Variants in DSCAM observed in about 807,000 individuals in gnomAD.
DSCAM encodes DS cell adhesion molecule.
Under a neutral mutation model 217.7 loss-of-function variants are expected in DSCAM, and 47 were observed. The ratio of observed to expected loss-of-function variants is 0.22; its 90% CI spans 0.17 to 0.28. DSCAM has a LOEUF of 0.28. Among genes scored for constraint, DSCAM ranks in the 10% least tolerant of loss-of-function variants. DSCAM has a pLI of 1.00. For synonymous variants in DSCAM, 1,056 were observed against 1,015.3 expected, an observed-to-expected ratio of 1.04 and a Z score of -0.76; for missense variants, 2,080 against 2,618.3, an observed-to-expected ratio of 0.79 and a Z score of 4.49.
chr21:40,550,797 A>G (rs2076623873), intron 3 of DSCAM, among the ~76,000 whole-genome samples: 1 of 152,216 alleles, frequency 6.6e-6, no homozygotes, highest in African/African-American at 2.4e-5. Flanking sequence ...CATGGTTGGG[A>G]TAACATTTAT....
chr21:40,680,560 GC>G (rs59291497), intron 3 of DSCAM, among the ~76,000 whole-genome samples: 69,603 of 151,528 alleles, frequency 0.46, 16,261 homozygotes, highest in African/African-American at 0.52. Context: ...GTGTATTTTT[GC>G]TTATTTACTG....
At chr21:40,363,355 C>A (rs1362706350) in intron 4 of DSCAM, among the ~76,000 whole-genome samples, 1 of 148,418 alleles carries the variant, frequency 6.7e-6, no homozygotes, top group Non-Finnish European at 1.5e-5. Flanking sequence ...TGAGTTCAAG[C>A]AATTCTCCTG....
intron 3 of DSCAM, among the ~76,000 whole-genome samples, chr21:40,479,702 C>CA (rs1164214949): frequency 2.6e-5 from 4 of 152,144 alleles, no homozygotes; most frequent in Admixed American, 2.0e-4. Flanking sequence ...GTCCCTCTCA[C>CA]AACACGAGGG....
intron 20 of DSCAM, among the ~76,000 whole-genome samples, 176 bp from the exon 21 acceptor site, chr21:40,094,050 A>T (rs1172260253): frequency 6.6e-6 from 1 of 152,202 alleles, no homozygotes; most frequent in African/African-American, 2.4e-5. Context: ...GTGACCCACC[A>T]TCTACATTTT....
At chr21:40,124,165 T>G in intron 20 of DSCAM, 30 bp downstream of exon 20, 1 of 1,613,326 alleles carries the variant, frequency 6.2e-7, no homozygotes, top group Middle Eastern at 1.6e-4. Context: ...GGCAGACGCT[T>G]GAAAGGCACT....
At chr21:40,035,933 T>A (rs1190983523) in intron 32 of DSCAM, among the ~76,000 whole-genome samples, 1 of 148,900 alleles carries the variant, frequency 6.7e-6, no homozygotes. Context: ...CATAACGAAA[T>A]GAAGCTAGAA....
chr21:40,352,580 G>A (rs796883565), intron 5 of DSCAM, among the ~76,000 whole-genome samples: 9 of 152,242 alleles, frequency 5.9e-5, no homozygotes, highest in African/African-American at 2.2e-4. Flanking sequence ...AGGGCTGGGT[G>A]GGGAGGAGGA....
At chr21:40,489,004 C>T (rs1168095618) in intron 3 of DSCAM, among the ~76,000 whole-genome samples, 1 of 152,166 alleles carries the variant, frequency 6.6e-6, no homozygotes. Context: ...GCACTATTCT[C>T]TAGGTCTATG....
intron 11 of DSCAM, among the ~76,000 whole-genome samples, chr21:40,212,612 C>A (rs1306805036): frequency 1.3e-5 from 2 of 151,960 alleles, no homozygotes; most frequent in African/African-American, 4.8e-5. Context: ...TGACAAAGAG[C>A]AATTTATATG....
intron 27 of DSCAM, 108 bp downstream of exon 27, chr21:40,074,929 G>C (rs2089342554): frequency 8.3e-7 from 1 of 1,200,136 alleles, no homozygotes; most frequent in Middle Eastern, 2.9e-4. Flanking sequence ...CTGGGTTAAA[G>C]AGGGAAGAGT....
At chr21:40,161,136 A>C (rs780358753) in intron 16 of DSCAM, among the ~76,000 whole-genome samples, 11 of 152,118 alleles carry the variant, frequency 7.2e-5, no homozygotes, top group Non-Finnish European at 1.5e-4. Flanking sequence ...TAGGCTGGAA[A>C]CCAAGGGAAC....
chr21:40,347,457 T>C (rs1162278399), intron 6 of DSCAM, among the ~76,000 whole-genome samples: 1 of 152,232 alleles, frequency 6.6e-6, no homozygotes, highest in Non-Finnish European at 1.5e-5. Flanking sequence ...TATGTTACTT[T>C]ACATTACTTC....
intron 23 of DSCAM, among the ~76,000 whole-genome samples, chr21:40,085,244 G>GT (rs1398215234): frequency 1.3e-5 from 2 of 152,094 alleles, no homozygotes; most frequent in Non-Finnish European, 2.9e-5. Context: ...ATTCAGACTT[G>GT]TTTTTTGTTT....
intron 3 of DSCAM, among the ~76,000 whole-genome samples, chr21:40,583,006 C>CA (rs1232704440): frequency 6.6e-6 from 1 of 151,810 alleles, no homozygotes; most frequent in African/African-American, 2.4e-5. Context: ...TTAAACTTAC[C>CA]AAAAAATTTT....
intron 3 of DSCAM, among the ~76,000 whole-genome samples, chr21:40,492,101 T>G (rs773451732): frequency 2.0e-5 from 3 of 152,118 alleles, no homozygotes; most frequent in Non-Finnish European, 4.4e-5. Flanking sequence ...CCAATAAATA[T>G]CTTTCAAATA....
chr21:40,667,177 A>G (rs2146392857), intron 3 of DSCAM, among the ~76,000 whole-genome samples: 1 of 152,290 alleles, frequency 6.6e-6, no homozygotes, highest in South Asian at 2.1e-4. Flanking sequence ...GGGTCTTAAA[A>G]TTCAATAAAA....
At chr21:40,148,884 C>G (rs918152073) in intron 16 of DSCAM, among the ~76,000 whole-genome samples, 1 of 152,132 alleles carries the variant, frequency 6.6e-6, no homozygotes, top group Admixed American at 6.6e-5. Context: ...GGTAGAAGCA[C>G]CTCTATCACT....
At chr21:40,768,522 C>A (rs948235716) in intron 1 of DSCAM, among the ~76,000 whole-genome samples, 6 of 152,242 alleles carry the variant, frequency 3.9e-5, no homozygotes, top group Admixed American at 3.9e-4. Context: ...CAGGGCATAA[C>A]CTGTGAGGAA....
chr21:40,256,013 G>C (rs138456666), intron 11 of DSCAM, among the ~76,000 whole-genome samples: 2 of 152,306 alleles, frequency 1.3e-5, no homozygotes, highest in African/African-American at 2.4e-5. Context: ...GATAATAAAA[G>C]GGTATTTTCC....
Sources: allele counts gnomAD v4.1 joint callset (sites outside exome capture counted in the v4.1 genomes callset), GRCh38; gene constraint gnomAD v4.1.1; transcripts MANE v1.5; gene names NCBI Gene and HGNC (gene_info 2026-07-23, HGNC 2026-07-21).